The following TMEM132D variants were observed in gnomAD, a reference collection of about 807,000 sequenced individuals.
TMEM132D encodes transmembrane protein 132D.
Under a neutral mutation model 62.3 loss-of-function variants are expected in TMEM132D, and 21 were observed. That is an observed-to-expected ratio of 0.34 (90% CI 0.24 to 0.49). The LOEUF (loss-of-function observed/expected upper bound fraction) is 0.49, where lower values mean the gene tolerates loss of function less well. TMEM132D is among the 20% of genes least tolerant of loss of function. TMEM132D has a pLI of 0.99. For synonymous variants in TMEM132D, 621 were observed against 575.6 expected (o/e 1.08, Z -1.13); for missense variants, 1,346 against 1,402.8 (o/e 0.96, Z 0.65).
chr12:129,461,496 A>G (rs761534096), intron 3 of TMEM132D, among the ~76,000 whole-genome samples: 1 of 152,170 alleles, frequency 6.6e-6, no homozygotes. Context: ...AAGAGAGCCC[A>G]GGAAAACAAG....
intron 5 of TMEM132D, among the ~76,000 whole-genome samples, chr12:129,176,272 T>A (rs1352182): frequency 0.33 from 49,506 of 152,126 alleles, 8,560 homozygotes; most frequent in East Asian, 0.57. Context: ...GTTGGGATTA[T>A]TATTTATCTC....
intron 5 of TMEM132D, among the ~76,000 whole-genome samples, chr12:129,096,145 T>C (rs1875108408): frequency 6.6e-6 from 1 of 152,070 alleles, no homozygotes; most frequent in Non-Finnish European, 1.5e-5. Flanking sequence ...CCCAGCAAGG[T>C]AGGCATTATT....
At chr12:129,587,761 A>G (rs1878070913) in intron 2 of TMEM132D, among the ~76,000 whole-genome samples, 1 of 152,366 alleles carries the variant, frequency 6.6e-6, no homozygotes, top group East Asian at 1.9e-4. Flanking sequence ...TGTCACCACA[A>G]AGTATGACAA....
chr12:129,415,922 C>T (rs1872107005), intron 3 of TMEM132D, among the ~76,000 whole-genome samples: 1 of 152,178 alleles, frequency 6.6e-6, no homozygotes, highest in Non-Finnish European at 1.5e-5. Flanking sequence ...ATTGGCCATT[C>T]TCAGCTTAGA....
intron 3 of TMEM132D, among the ~76,000 whole-genome samples, chr12:129,345,457 T>G (rs567849407): frequency 1.3e-5 from 2 of 152,316 alleles, no homozygotes; most frequent in African/African-American, 4.8e-5. Context: ...TTCAACGGAA[T>G]GGGCTTAAGA....
At chr12:129,814,611 C>CA (rs34979485) in intron 1 of TMEM132D, among the ~76,000 whole-genome samples, 57,833 of 94,548 alleles carry the variant, frequency 0.61, 18,740 homozygotes, top group Non-Finnish European at 0.7. Context: ...AACTCCCTCT[C>CA]AAAAAAAAAA....
At chr12:129,652,283 G>T (rs1043085203) in intron 2 of TMEM132D, among the ~76,000 whole-genome samples, 14 of 152,158 alleles carry the variant, frequency 9.2e-5, no homozygotes, top group African/African-American at 3.4e-4. Flanking sequence ...AAGAATTGTT[G>T]ATGTAGAGCA....
At chr12:129,403,766 G>A (rs1871690093) in intron 3 of TMEM132D, among the ~76,000 whole-genome samples, 1 of 152,158 alleles carries the variant, frequency 6.6e-6, no homozygotes, top group Non-Finnish European at 1.5e-5. Flanking sequence ...GTACATGTAT[G>A]AAGAAGAAAG....
chr12:129,504,612 CTCT>C (rs1003649825), intron 3 of TMEM132D, among the ~76,000 whole-genome samples: 1 of 152,120 alleles, frequency 6.6e-6, no homozygotes, highest in Admixed American at 6.5e-5. Context: ...TGGATTTTCT[CTCT>C]TCTTGGTTAA....
intron 5 of TMEM132D, among the ~76,000 whole-genome samples, chr12:129,200,890 T>C (rs1291776956): frequency 6.6e-6 from 1 of 152,232 alleles, no homozygotes; most frequent in Non-Finnish European, 1.5e-5. Flanking sequence ...TTAAGCGTTG[T>C]GCTCCCATCC....
chr12:129,392,423 C>T (rs1344747205), intron 3 of TMEM132D, among the ~76,000 whole-genome samples: 1 of 152,198 alleles, frequency 6.6e-6, no homozygotes, highest in Non-Finnish European at 1.5e-5. Context: ...TCAGAGTTCC[C>T]TGGAGCCATT....
intron 4 of TMEM132D, among the ~76,000 whole-genome samples, chr12:129,301,248 G>A (rs780412880): frequency 1.3e-5 from 2 of 152,096 alleles, no homozygotes. Flanking sequence ...TCTTGTTAAT[G>A]CTCGACTTCT....
At chr12:129,198,455 A>C (rs1048414141) in intron 5 of TMEM132D, among the ~76,000 whole-genome samples, 1 of 152,242 alleles carries the variant, frequency 6.6e-6, no homozygotes, top group Non-Finnish European at 1.5e-5. Context: ...AATGCATTAC[A>C]TATAAACAAT....
At position 129,903,436 on chromosome 12, in the gene TMEM132D, G is replaced by A. The variant is rs1875439534; in HGVS notation, c.-97C>T. ...CTAGAGGCCCGCAGCGGGGCCGGTG[G>A]CGAGGGAGCGCCCGGCTAGGGGCCC... On this transcript the variant is annotated 5_prime_UTR_variant, in exon 1 of 9. Coordinates refer to ENST00000422113, the MANE Select transcript of TMEM132D (RefSeq NM_133448.3). This position sits in a 1 kb window ranked among gnomAD's most constrained non-coding sequence, Gnocchi z 6.2. The A allele has an allele frequency of 9.8e-6, 13 of 1,320,826 alleles. No homozygotes were observed. Among genetic ancestry groups the A allele is most frequent in the Non-Finnish European group, 1.3e-5 (12 of 948,548 alleles). The allele number at this position is 1,320,826 out of a possible 1,614,324, so 81.8% of individuals were successfully genotyped here.
intron 5 of TMEM132D, among the ~76,000 whole-genome samples, chr12:129,164,202 C>T (rs1286492019): frequency 2.6e-5 from 4 of 152,234 alleles, no homozygotes; most frequent in African/African-American, 4.8e-5. Context: ...TTCTGTGCCC[C>T]GCAGGAGTGC....
chr12:129,119,973 G>A (rs1314909811), intron 5 of TMEM132D, among the ~76,000 whole-genome samples: 1 of 152,028 alleles, frequency 6.6e-6, no homozygotes, highest in Non-Finnish European at 1.5e-5. Flanking sequence ...TGTCAACTGT[G>A]AAAAACCTAG....
chr12:129,351,569 A>G (rs1045888668), intron 3 of TMEM132D, among the ~76,000 whole-genome samples: 1 of 152,206 alleles, frequency 6.6e-6, no homozygotes, highest in Non-Finnish European at 1.5e-5. Context: ...GACTATTCAC[A>G]TAAGATTACC....
At position 129,184,036 on chromosome 12, in the gene TMEM132D, C is replaced by T. The variant is rs1878150796; in HGVS notation, c.1443+25484G>A. Among the ~76,000 whole-genome samples the T allele has an allele frequency of 2.0e-5, 3 of 152,264 alleles. No homozygotes were observed. In the South Asian group the frequency reaches 6.2e-4, roughly 32 times the overall value. On this transcript the variant is annotated intron_variant, in intron 5 of 8. Coordinates refer to ENST00000422113, the MANE Select transcript of TMEM132D (RefSeq NM_133448.3). Reference sequence around the variant, plus strand: ...AAATCTTTCTGTGGCCATGTTTTTACCACAGTGAGAAAAAAAAAGCTAGGC... The same window carrying T: ...AAATCTTTCTGTGGCCATGTTTTTATCACAGTGAGAAAAAAAAAGCTAGGC...
At chr12:129,688,574 T>C (rs1388531758) in intron 2 of TMEM132D, among the ~76,000 whole-genome samples, 9 of 152,112 alleles carry the variant, frequency 5.9e-5, no homozygotes, top group Non-Finnish European at 1.3e-4. Flanking sequence ...CACTGCTTCA[T>C]GTAGAGCCTA....
Sources: gnomAD v4.1 joint callset for allele counts (sites outside exome capture counted in the v4.1 genomes callset) on GRCh38, gnomAD v4.1.1 for gene constraint, Gnocchi (gnomAD v3.1) non-coding constraint, MANE v1.5 for transcripts, NCBI Gene and HGNC (gene_info 2026-07-23, HGNC 2026-07-21) for gene names.